Variants in GPR139 observed in about 807,000 individuals in gnomAD.
GPR139 encodes the protein probable G protein-coupled receptor 139.
A neutral mutation model predicts 25.8 loss-of-function variants in GPR139; 12 were observed. That is an observed-to-expected ratio of 0.47 (90% confidence interval 0.30 to 0.75). The LOEUF (loss-of-function observed/expected upper bound fraction) is 0.75. Ranked by LOEUF, GPR139 falls within the 30% of genes least tolerant of loss-of-function variation. The pLI is 0.07. For missense variants in GPR139, 380 were observed against 450.2 expected (o/e 0.84, Z 1.41); for synonymous variants, 184 against 179.9 (o/e 1.02, Z -0.18).
chr16:20,068,956 T>C (rs2057448300), intron 1 of GPR139, among the ~76,000 whole-genome samples: 1 of 152,132 alleles, frequency 6.6e-6, no homozygotes, highest in African/African-American at 2.4e-5. Flanking sequence ...CAGTGTTGTA[T>C]TCCTGGGATA....
intron 1 of GPR139, among the ~76,000 whole-genome samples, chr16:20,040,445 G>A (rs1397499771): frequency 2.0e-5 from 3 of 152,118 alleles, no homozygotes; most frequent in Admixed American, 6.5e-5. Context: ...ATATTGTTGT[G>A]CAACTTGATT....
At chr16:20,052,124 C>T (rs1027528390) in intron 1 of GPR139, among the ~76,000 whole-genome samples, 1 of 152,190 alleles carries the variant, frequency 6.6e-6, no homozygotes. Context: ...ACACTCACTC[C>T]AGCCCCTGGG....
chr16:20,033,326 A>C (rs922085450), intron 1 of GPR139, among the ~76,000 whole-genome samples: 3 of 152,330 alleles, frequency 2.0e-5, no homozygotes, highest in Admixed American at 2.0e-4. Context: ...AGAGCCTCAC[A>C]CAACCATGAG....
At chr16:20,071,864 TAGTG>T (rs934133613) in intron 1 of GPR139, among the ~76,000 whole-genome samples, 1 of 152,050 alleles carries the variant, frequency 6.6e-6, no homozygotes, top group African/African-American at 2.4e-5. Flanking sequence ...AAGCCTGGGA[TAGTG>T]AGTGAGTGAG....
intron 1 of GPR139, among the ~76,000 whole-genome samples, chr16:20,045,953 G>T (rs2057353074): frequency 6.6e-6 from 1 of 152,144 alleles, no homozygotes. Flanking sequence ...GGTGCGAGGG[G>T]ACCAACAGGA....
intron 1 of GPR139, among the ~76,000 whole-genome samples, chr16:20,066,844 G>A (rs889159937): frequency 6.6e-6 from 1 of 152,198 alleles, no homozygotes; most frequent in African/African-American, 2.4e-5. Context: ...AATGAGAGAA[G>A]TATTGTTATT....
At chr16:20,039,923 C>T (rs2057324279) in intron 1 of GPR139, among the ~76,000 whole-genome samples, 1 of 152,274 alleles carries the variant, frequency 6.6e-6, no homozygotes, top group Admixed American at 6.5e-5. Flanking sequence ...TTGACCAATA[C>T]ATTATGGCAG....
At chr16:20,069,681 A>T (rs754510865) in intron 1 of GPR139, among the ~76,000 whole-genome samples, 2 of 152,176 alleles carry the variant, frequency 1.3e-5, no homozygotes, top group Non-Finnish European at 2.9e-5. Flanking sequence ...CTTTCTGCAC[A>T]TCCCCGGCAC....
chr16:20,061,416 G>GGGAT (rs957968585), intron 1 of GPR139, among the ~76,000 whole-genome samples: 9 of 144,124 alleles, frequency 6.2e-5, no homozygotes, highest in Admixed American at 1.4e-4. Flanking sequence ...AATGGATGGG[G>GGGAT]GGATGGATGG....
rs576145667 is a variant in GPR139 at position 20,058,376 on chromosome 16, A to G, written c.127+15114T>C. On this transcript the variant is annotated intron_variant, in intron 1 of 1. Coordinates refer to ENST00000570682, the MANE Select transcript of GPR139 (RefSeq NM_001002911.4). Reference sequence around the variant, plus strand: ...GTGTGTGTGTATTGTATACATAGTCAAATTTGAGGAAGGCGTGAACATAGC... The same window carrying G: ...GTGTGTGTGTATTGTATACATAGTCGAATTTGAGGAAGGCGTGAACATAGC... Among the ~76,000 whole-genome samples the G allele has an allele frequency of 1.2e-3, 190 of 152,158 alleles. 2 individuals are homozygous for G. Among genetic ancestry groups the G allele is most frequent in the African/African-American group, 4.3e-3 (179 of 41,502 alleles).
At chr16:20,040,205 G>A (rs2057325112) in intron 1 of GPR139, among the ~76,000 whole-genome samples, 3 of 152,188 alleles carry the variant, frequency 2.0e-5, no homozygotes, top group Admixed American at 1.3e-4. Context: ...GCAAATGCAT[G>A]AGAGACCAGA....
chr16:20,066,169 A>G (rs997550793), intron 1 of GPR139, among the ~76,000 whole-genome samples: 4 of 152,212 alleles, frequency 2.6e-5, no homozygotes, highest in African/African-American at 9.6e-5. Context: ...AAATATTTGA[A>G]TTGAAGACAC....
intron 1 of GPR139, among the ~76,000 whole-genome samples, chr16:20,040,614 A>T (rs982101135): frequency 6.6e-5 from 10 of 152,300 alleles, no homozygotes; most frequent in African/African-American, 2.2e-4. Context: ...AAATTCCCAA[A>T]AGTAGAAATC....
At chr16:20,069,481 AATGGTAACTACC>A (rs2057451408) in intron 1 of GPR139, among the ~76,000 whole-genome samples, 1 of 152,222 alleles carries the variant, frequency 6.6e-6, no homozygotes, top group Admixed American at 6.5e-5. Flanking sequence ...AGTTGACAAC[AATGGTAACTACC>A]ATGCGTCAGG....
chr16:20,039,563 A>G (rs1055744980), intron 1 of GPR139, among the ~76,000 whole-genome samples: 6 of 152,186 alleles, frequency 3.9e-5, no homozygotes, highest in African/African-American at 7.2e-5. Flanking sequence ...GGGCACTTCT[A>G]AGCATCTTAC....
intron 1 of GPR139, among the ~76,000 whole-genome samples, chr16:20,052,525 C>G (rs1049551122): frequency 6.6e-6 from 1 of 152,118 alleles, no homozygotes; most frequent in Non-Finnish European, 1.5e-5. Flanking sequence ...CGGCTGGGCG[C>G]GGTGGCTCAC....
chr16:20,030,946 G>T lies in GPR139; in HGVS notation c.*789C>A, dbSNP rs1434048145. Among the ~76,000 whole-genome samples the T allele has an allele frequency of 6.6e-6, 1 of 152,162 alleles. No homozygotes were observed. The highest frequency in any genetic ancestry group is 6.5e-5 in the Admixed American group (1 of 15,280). On this transcript the variant is annotated 3_prime_UTR_variant, in exon 2 of 2. Transcript: ENST00000570682. ...GACACAGGGATGGGTTGAAACAATG[G>T]CAAGTGTGGGCTTATTTTTTTGTTT...
intron 1 of GPR139, among the ~76,000 whole-genome samples, chr16:20,053,455 G>T (rs976685963): frequency 6.6e-6 from 1 of 152,204 alleles, no homozygotes; most frequent in Admixed American, 6.5e-5. Context: ...GGCAGAGGGA[G>T]CCGCAAGTGA....
chr16:20,069,242 C>G (rs1276210193), intron 1 of GPR139, among the ~76,000 whole-genome samples: 1 of 77,878 alleles, frequency 1.3e-5, no homozygotes, highest in Non-Finnish European at 3.1e-5. Context: ...TTCACAGCAA[C>G]CCTATGAACT....
Sources: gnomAD v4.1 joint callset for allele counts (sites outside exome capture counted in the v4.1 genomes callset) on GRCh38, gnomAD v4.1.1 for gene constraint, MANE v1.5 for transcripts, NCBI Gene and HGNC (gene_info 2026-07-23, HGNC 2026-07-21) for gene names.